PHKA1: variants seen among roughly 807,000 people sequenced by gnomAD.
The protein encoded by PHKA1 is phosphorylase b kinase regulatory subunit alpha, skeletal muscle isoform.
In PHKA1, 60 loss-of-function variants were observed where a neutral mutation model predicts 110.2. The observed-to-expected ratio is 0.54, with a 90% CI of 0.44 to 0.68. PHKA1 has a LOEUF of 0.68. Ranked by LOEUF, PHKA1 falls within the 30% of genes least tolerant of loss-of-function variation. PHKA1 has a pLI of 0.00. For missense variants in PHKA1, 801 were observed against 942.5 expected (o/e 0.85, Z 1.97); for synonymous variants, 316 against 333.6 (o/e 0.95, Z 0.58).
At chrX:72,601,022 A>G (rs2052651361) in intron 28 of PHKA1, among the ~76,000 whole-genome samples, 1 of 111,703 alleles carries the variant, frequency 9.0e-6, no homozygotes, top group Non-Finnish European at 1.9e-5. Flanking sequence ...TAATTTCTCA[A>G]CTTGGAGATC....
chrX:72,668,975 T>C (rs2053646349), intron 6 of PHKA1, among the ~76,000 whole-genome samples: 1 of 112,582 alleles, frequency 8.9e-6, no homozygotes, highest in African/African-American at 3.2e-5. Context: ...GTAACAGGCT[T>C]AAAGCAAGTC....
intron 14 of PHKA1, among the ~76,000 whole-genome samples, chrX:72,638,932 TC>T (rs2053262306): frequency 8.9e-6 from 1 of 111,869 alleles, no homozygotes; most frequent in South Asian, 3.7e-4. Context: ...TCTTTGAGTG[TC>T]CCTTCTGTCC....
In PHKA1 at chrX:72,605,407, A is replaced by G; in HGVS notation, c.2686-7T>C. 1 of 1,207,909 alleles carries G rather than the reference A, an allele frequency of 8.3e-7. No individual in the cohort carries two copies. ...CTAGATATACCATTATTTCCTGCAC[A>G]CAGAGTAGATATAGACAAAAATAAT... On this transcript the variant is annotated splice_region_variant and splice_polypyrimidine_tract_variant and intron_variant, in intron 24 of 31. Coordinates refer to ENST00000373542, the MANE Select transcript of PHKA1 (RefSeq NM_002637.4).
intron 16 of PHKA1, among the ~76,000 whole-genome samples, chrX:72,633,035 T>A (rs2053185241): frequency 8.9e-6 from 1 of 111,926 alleles, no homozygotes; most frequent in African/African-American, 3.2e-5. Context: ...TGGCTATGTA[T>A]CTCATCCCAA....
At chrX:72,677,637 G>T (rs2053794612) in intron 5 of PHKA1, among the ~76,000 whole-genome samples, 1 of 111,132 alleles carries the variant, frequency 9.0e-6, no homozygotes, top group African/African-American at 3.3e-5. Flanking sequence ...CAGATATTTA[G>T]GTTTTTCTCT....
intron 8 of PHKA1, among the ~76,000 whole-genome samples, chrX:72,661,743 C>CAAAA (rs782779792): frequency 5.1e-4 from 17 of 33,018 alleles, no homozygotes; most frequent in Non-Finnish European, 7.0e-4. Flanking sequence ...AATGTACTGA[C>CAAAA]AAAAAAAAAA....
intron 31 of PHKA1, 142 bp from the exon 32 acceptor site, chrX:72,581,317 T>C (rs1264209519): frequency 6.2e-6 from 3 of 480,973 alleles, no homozygotes; most frequent in East Asian, 3.6e-5. Context: ...CAGGAAGAAA[T>C]AGGTTTATGG....
In PHKA1 at chrX:72,579,639, C is replaced by T. The variant is rs2052308318; in HGVS notation, c.*1363G>A. ...GTCCACAGTCACATCCCTTCTCTCA[C>T]ATGCAACATTCTTACTCAGTCCATC... On this transcript the variant is annotated 3_prime_UTR_variant, in exon 32 of 32. Coordinates refer to ENST00000373542, the MANE Select transcript of PHKA1 (RefSeq NM_002637.4). 9.0e-6 allele frequency: 1 copy of T among 111,398 alleles called. No homozygotes were observed. Among genetic ancestry groups the T allele is most frequent in the Non-Finnish European group, 1.9e-5 (1 of 53,096 alleles). 9.2% of individuals were successfully genotyped at this position (111,398 alleles called of 1,213,427 possible).
In PHKA1 at chrX:72,674,900, T is replaced by A. The variant is rs1284605633; in HGVS notation, c.618+1170A>T. Among the ~76,000 whole-genome samples the A allele has an allele frequency of 3.6e-5, 4 of 111,066 alleles. No individual in the cohort carries two copies. The South Asian group carries it at 1.5e-3, about 41-fold the overall frequency. ...GTTGTTCAGTGCACTATGAGATTGT[T>A]AGGCTGGGTGCAGTGGCTCATGCCT... On this transcript the variant is annotated intron_variant, in intron 6 of 31. Coordinates refer to ENST00000373542, the MANE Select transcript of PHKA1 (RefSeq NM_002637.4).
At chrX:72,684,984 G>A (rs933758617) in intron 4 of PHKA1, among the ~76,000 whole-genome samples, 1 of 111,204 alleles carries the variant, frequency 9.0e-6, no homozygotes, top group African/African-American at 3.3e-5. Flanking sequence ...TTTTAAAAAG[G>A]ACTTAAATTG....
intron 3 of PHKA1, among the ~76,000 whole-genome samples, chrX:72,702,362 A>C (rs190856531): frequency 9.0e-6 from 1 of 110,868 alleles, no homozygotes; most frequent in East Asian, 2.8e-4. Flanking sequence ...AGGCAGGAGG[A>C]TCACTTGAAC....
intron 16 of PHKA1, among the ~76,000 whole-genome samples, chrX:72,632,698 C>A (rs1349820587): frequency 1.8e-5 from 2 of 111,574 alleles, no homozygotes; most frequent in Non-Finnish European, 3.8e-5. Context: ...ATTCTCTTTT[C>A]AGCAGCACAA....
At chrX:72,647,090 C>G (rs1377045365) in intron 13 of PHKA1, among the ~76,000 whole-genome samples, 8 of 108,594 alleles carry the variant, frequency 7.4e-5, no homozygotes, top group African/African-American at 2.7e-4. Flanking sequence ...TGAGATTGCG[C>G]CACTGCACTC....
intron 5 of PHKA1, among the ~76,000 whole-genome samples, chrX:72,676,930 T>G (rs1289999505): frequency 3.6e-5 from 4 of 112,480 alleles, no homozygotes; most frequent in African/African-American, 1.3e-4. Flanking sequence ...GAAATTAAAA[T>G]TGGCACAATA....
intron 5 of PHKA1, among the ~76,000 whole-genome samples, chrX:72,680,919 G>A (rs1178615925): frequency 1.6e-5 from 1 of 64,158 alleles, no homozygotes; most frequent in African/African-American, 6.9e-5. Flanking sequence ...CCAAAGTGCC[G>A]AGATTGCAGC....
At chrX:72,591,055 T>C (rs1483530426) in intron 29 of PHKA1, among the ~76,000 whole-genome samples, 1 of 111,858 alleles carries the variant, frequency 8.9e-6, no homozygotes, top group Non-Finnish European at 1.9e-5. Context: ...AGCAATCCCA[T>C]TACTAGGTAT....
intron 5 of PHKA1, among the ~76,000 whole-genome samples, chrX:72,681,408 C>A (rs1556315077): frequency 9.4e-6 from 1 of 106,892 alleles, no homozygotes; most frequent in Admixed American, 1.0e-4. Flanking sequence ...GGGGGTCAGC[C>A]CCCCGCCCGG....
chrX:72,618,344 T>C (rs1218071293), intron 21 of PHKA1, among the ~76,000 whole-genome samples: 3 of 111,957 alleles, frequency 2.7e-5, no homozygotes, highest in Non-Finnish European at 5.6e-5. Flanking sequence ...CTTTCTCCTA[T>C]AAACCTCTAT....
chrX:72,605,750 G>T lies in PHKA1; in HGVS notation c.2607-131C>A. ...ATTTCATCATTACCAATAGCATTCT[G>T]ATTCTTTCAAACTTCAAAGCTCATT... On this transcript the variant is annotated intron_variant, in intron 23 of 31. Coordinates refer to ENST00000373542, the MANE Select transcript of PHKA1 (RefSeq NM_002637.4). 7.5e-6 allele frequency: 4 copies of T among 533,404 alleles called. No individual in the cohort carries two copies. In the South Asian group the frequency reaches 1.1e-4, roughly 15 times the overall value. The allele number at this position is 533,404 out of a possible 1,213,427, so 44.0% of individuals were successfully genotyped here.
Sources: gnomAD v4.1 joint callset for allele counts (sites outside exome capture counted in the v4.1 genomes callset) on GRCh38, gnomAD v4.1.1 for gene constraint, MANE v1.5 for transcripts, NCBI Gene and HGNC (gene_info 2026-07-23, HGNC 2026-07-21) for gene names.